SNX1: variants seen among roughly 807,000 people sequenced by gnomAD.
The protein encoded by SNX1 is sorting nexin-1.
SNX1 carries 36 observed loss-of-function variants against 71.8 expected under a neutral mutation model. That is an observed-to-expected ratio of 0.50 (90% CI 0.38 to 0.66). SNX1 has a LOEUF of 0.66. Among genes scored for constraint, SNX1 ranks in the 30% least tolerant of loss-of-function variants. SNX1 has a pLI of 0.00. For missense variants in SNX1, 612 were observed against 646.7 expected (o/e 0.95, Z 0.58); for synonymous variants, 254 against 240.7 (o/e 1.06, Z -0.51).
At position 64,138,048 on chromosome 15, in the gene SNX1, G is replaced by T. The variant is rs187111797; in HGVS notation, c.*430G>T. The T allele has an allele frequency of 2.0e-6, 3 of 1,525,956 alleles. No homozygotes were observed. Among genetic ancestry groups the T allele is most frequent in the Non-Finnish European group, 2.6e-6 (3 of 1,144,140 alleles). The allele number at this position is 1,525,956 out of a possible 1,614,324, so 94.5% of individuals were successfully genotyped here. On this transcript the variant is annotated 3_prime_UTR_variant, in exon 15 of 15. Transcript: ENST00000559844. ...GTTGGTGGTTTTTGCTTAGGCTGGGGAGCAGTTGGGAATCAGGTCTGGAAT... is the reference window on the plus strand; with the variant it reads ...GTTGGTGGTTTTTGCTTAGGCTGGGTAGCAGTTGGGAATCAGGTCTGGAAT...
intron 2 of SNX1, chr15:64,115,563 C>CTG: frequency 3.1e-6 from 1 of 324,636 alleles, no homozygotes; most frequent in East Asian, 1.1e-4. Flanking sequence ...CTTCAAAAGG[C>CTG]TTTTTTTTTT....
chr15:64,130,004 C>T lies in SNX1; in HGVS notation c.896C>T (p.Thr299Ile). The T allele has an allele frequency of 6.2e-7, 1 of 1,613,692 alleles. No individual in the cohort carries two copies. Among genetic ancestry groups the T allele is most frequent in the Non-Finnish European group, 8.5e-7 (1 of 1,179,594 alleles). The change falls in exon 9 of 15, where the codon ACC becomes ATC. Residue 299 changes from threonine (T) to isoleucine (I), a missense_variant. Coordinates refer to ENST00000559844, the MANE Select transcript of SNX1 (RefSeq NM_003099.5). ...NKATDAVSKM[T>I]IKMNESDIWF... Reference sequence around the variant, plus strand: ...GCCACAGATGCCGTCAGCAAAATGACCATCAAGATGAATGAATCAGACATT... The same window carrying T: ...GCCACAGATGCCGTCAGCAAAATGATCATCAAGATGAATGAATCAGACATT...
chr15:64,104,118 A>G (rs1318358034), intron 1 of SNX1, among the ~76,000 whole-genome samples: 2 of 152,212 alleles, frequency 1.3e-5, no homozygotes. Context: ...CTCAAATAGT[A>G]AAGTTTTACT....
intron 2 of SNX1, among the ~76,000 whole-genome samples, chr15:64,113,653 C>G (rs1296030835): frequency 1.3e-5 from 2 of 152,204 alleles, no homozygotes. Context: ...AACCCCATCT[C>G]TACTAAAAAT....
chr15:64,136,661 C>G (rs117752476), intron 13 of SNX1, among the ~76,000 whole-genome samples, 200 bp from the exon 14 acceptor site: 2,258 of 152,252 alleles, frequency 0.015, 24 homozygotes, highest in Non-Finnish European at 0.023. Flanking sequence ...CCTGTCGTTT[C>G]TCCTCCACTT....
rs1356115963 is a variant in SNX1, at chr15:64,117,858, A to G, written c.272-259A>G. On this transcript the variant is annotated intron_variant, in intron 2 of 14. Coordinates refer to ENST00000559844, the MANE Select transcript of SNX1 (RefSeq NM_003099.5). Reference sequence around the variant, plus strand: ...CTTTTTGCTTATCCTTGGTTCTTGTATAAATTCTAGGTAGGAGAGGGTAGC... The same window carrying G: ...CTTTTTGCTTATCCTTGGTTCTTGTGTAAATTCTAGGTAGGAGAGGGTAGC... Among the ~76,000 whole-genome samples the G allele has an allele frequency of 3.9e-5, 6 of 152,306 alleles. No homozygotes were observed. The East Asian group carries it at 9.6e-4, about 24-fold the overall frequency.
intron 1 of SNX1, among the ~76,000 whole-genome samples, chr15:64,102,761 C>CTTTTTTTT (rs60616312): frequency 2.0e-4 from 15 of 76,426 alleles, no homozygotes; most frequent in Non-Finnish European, 2.5e-4. Context: ...ACCACGCCTT[C>CTTTTTTTT]TTTTTTTTTT....
Position 64,137,809 on chromosome 15 carries a change from C to G in SNX1, c.*191C>G. Reference sequence around the variant, plus strand: ...TTAGCTTCCATATATATTTTCTTACCTAAGAGAATAGTTTCCTGCTTTAAG... The same window carrying G: ...TTAGCTTCCATATATATTTTCTTACGTAAGAGAATAGTTTCCTGCTTTAAG... On this transcript the variant is annotated 3_prime_UTR_variant, in exon 15 of 15. Transcript: ENST00000559844. 7.0e-7 allele frequency: 1 copy of G among 1,423,304 alleles called. No homozygotes were observed. The highest frequency in any genetic ancestry group is 9.2e-7 in the Non-Finnish European group (1 of 1,089,628). The allele number at this position is 1,423,304 out of a possible 1,614,324, so 88.2% of individuals were successfully genotyped here.
At chr15:64,127,701 C>G (rs775349898) in intron 7 of SNX1, 30 bp from the exon 8 acceptor site, 1 of 1,574,636 alleles carries the variant, frequency 6.4e-7, no homozygotes, top group South Asian at 1.1e-5. Context: ...GCCAGCTCAA[C>G]TAACCAGATG....
chr15:64,102,543 C>T (rs545477901), intron 1 of SNX1, among the ~76,000 whole-genome samples: 34 of 152,266 alleles, frequency 2.2e-4, no homozygotes, highest in African/African-American at 6.5e-4. Flanking sequence ...GCCTTCCCTT[C>T]TCAGCTTCTG....
Position 64,134,726 on chromosome 15 carries a change from G to A in SNX1, c.1284G>A (p.Gln428=). 1 of 1,613,982 alleles carries A rather than the reference G, an allele frequency of 6.2e-7. No individual in the cohort carries two copies. Residue 428 remains glutamine, a synonymous_variant, in exon 12 of 15, where the codon CAG becomes CAA. Coordinates refer to ENST00000559844, the MANE Select transcript of SNX1 (RefSeq NM_003099.5). This position sits in a 1 kb window ranked among gnomAD's most constrained non-coding sequence, Gnocchi z 4.1. ...QRWQDAQATL[Q]KKREAEARLL... is the part of the protein sequence containing the mutation. Reference sequence around the variant, plus strand: ...GGCAGGATGCCCAAGCCACACTGCAGAAGAAGCGGGAGGCCGAGGCTCGGC... The same window carrying A: ...GGCAGGATGCCCAAGCCACACTGCAAAAGAAGCGGGAGGCCGAGGCTCGGC...
chr15:64,096,295 C>G lies in SNX1; in HGVS notation c.159+123C>G, dbSNP rs564298309. On this transcript the variant is annotated intron_variant, in intron 1 of 14. Coordinates refer to ENST00000559844, the MANE Select transcript of SNX1 (RefSeq NM_003099.5). ...GAGACCTTGCCTCGGTGTCAGCAGT[C>G]CGGGCCCCGGGGACCCTGGATGTGC... The G allele has an allele frequency of 1.8e-4, 206 of 1,171,166 alleles. 1 individual carries two copies. Among genetic ancestry groups the G allele is most frequent in the Non-Finnish European group, 2.3e-4 (201 of 855,966 alleles). The allele number at this position is 1,171,166 out of a possible 1,614,324, so 72.5% of individuals were successfully genotyped here.
chr15:64,130,878 G>A (rs1428026067), intron 10 of SNX1, among the ~76,000 whole-genome samples: 1 of 152,222 alleles, frequency 6.6e-6, no homozygotes, highest in South Asian at 2.1e-4. Context: ...GGCCAAATCT[G>A]ACCCTGGTTC....
At chr15:64,115,048 G>A (rs1001819410) in intron 2 of SNX1, among the ~76,000 whole-genome samples, 9 of 152,138 alleles carry the variant, frequency 5.9e-5, no homozygotes, top group African/African-American at 2.2e-4. Flanking sequence ...TTGGTTATAT[G>A]GCAGATTGAA....
chr15:64,108,171 C>T (rs1180761713), intron 1 of SNX1, among the ~76,000 whole-genome samples: 12 of 147,782 alleles, frequency 8.1e-5, no homozygotes, highest in Non-Finnish European at 1.3e-4. Flanking sequence ...CCAGCCTGGG[C>T]GACAGAGTGA....
In SNX1 at chr15:64,138,973, G is replaced by A. The variant is rs1033290336; in HGVS notation, c.*1355G>A. 3.3e-5 allele frequency: 5 copies of A among 152,184 alleles called. No homozygotes were observed. The highest frequency in any genetic ancestry group is 9.7e-5 in the African/African-American group (4 of 41,438). The allele number at this position is 152,184 out of a possible 1,614,324, so 9.4% of individuals were successfully genotyped here. ...GCGAGGCAACCTGAGACAAGAAAAC[G>A]CAGTAAACATTCTGATTCCCTGTAC... On this transcript the variant is annotated 3_prime_UTR_variant, in exon 15 of 15. Coordinates refer to ENST00000559844, the MANE Select transcript of SNX1 (RefSeq NM_003099.5).
rs974639302 is a variant in SNX1 at position 64,142,865 on chromosome 15, G to C, written c.*5247G>C. On this transcript the variant is annotated 3_prime_UTR_variant, in exon 15 of 15. Transcript: ENST00000559844. Reference sequence around the variant, plus strand: ...CAGCAACTGTTAACTCTTCCCAGAAGATTTTCATTCTGAATGCTCCTGTAG... The same window carrying C: ...CAGCAACTGTTAACTCTTCCCAGAACATTTTCATTCTGAATGCTCCTGTAG... 6.3e-6 allele frequency: 2 copies of C among 318,758 alleles called. No individual in the cohort carries two copies. The highest frequency in any genetic ancestry group is 1.2e-5 in the Non-Finnish European group (2 of 160,148). 19.7% of individuals were successfully genotyped at this position (318,758 alleles called of 1,614,324 possible).
In SNX1 at chr15:64,118,233, A is replaced by G. The variant is rs765803225; in HGVS notation, c.388A>G (p.Thr130Ala). Residue 130 changes from threonine (T) to alanine (A), a missense_variant, in exon 3 of 15, where the codon ACC (threonine) becomes GCC (alanine). Physicochemically the swap from Thr to Ala is moderately conservative, Grantham distance 58. Around this residue, in one of 2 missense-constraint regions of SNX1, gnomAD observed 316 missense variants for 284.9 expected, o/e 1.11. Transcript: ENST00000559844. The stretch of plus-strand genomic sequence containing the variant: ...CACAAATTCTTCGAAGCCCCAGCCA[A>G]CCTATGAGGAGGTGAGGATCTGTGC... The part of the protein sequence containing the change: ...EATNSSKPQP[T>A]YEELEEEEQE... 13 of 1,612,782 alleles carry G rather than the reference A, an allele frequency of 8.1e-6. No homozygotes were observed. The Admixed American group carries it at 1.3e-4, about 17-fold the overall frequency.
intron 4 of SNX1, among the ~76,000 whole-genome samples, chr15:64,123,172 G>C (rs914746217): frequency 6.6e-6 from 1 of 152,174 alleles, no homozygotes; most frequent in Non-Finnish European, 1.5e-5. Flanking sequence ...CCAAATATTG[G>C]CATGGTAACA....
Sources: gnomAD v4.1 joint callset for allele counts (sites outside exome capture counted in the v4.1 genomes callset) on GRCh38, gnomAD v4.1.1 for gene constraint, gnomAD v4.1.1 regional missense constraint, Gnocchi (gnomAD v3.1) non-coding constraint, MANE v1.5 for transcripts, NCBI Gene and HGNC (gene_info 2026-07-23, HGNC 2026-07-21) for gene names.